ZFP64: variants seen among roughly 807,000 people sequenced by gnomAD.
The protein encoded by ZFP64 is ZFP64 zinc finger protein.
ZFP64 carries 14 observed loss-of-function variants against 51.6 expected under a neutral mutation model. The observed-to-expected ratio is 0.27, with a 90% CI of 0.18 to 0.42. The LOEUF (loss-of-function observed/expected upper bound fraction) is 0.42. Ranked by LOEUF, ZFP64 falls within the 10% of genes least tolerant of loss-of-function variation. The pLI is 1.00. For missense variants in ZFP64, 754 were observed against 906.8 expected (o/e 0.83, Z 2.16); for synonymous variants, 375 against 361.4 (o/e 1.04, Z -0.43).
chr20:52,084,576 T>C (rs2078843247), exon 9 of ZFP64: 1 of 1,613,380 alleles, frequency 6.2e-7, no homozygotes, highest in Non-Finnish European at 8.5e-7. Flanking sequence ...TTGGCTGGGC[T>C]CTAGGGGAGC....
chr20:52,190,657 G>T (rs921252261), intron 1 of ZFP64, among the ~76,000 whole-genome samples: 2 of 152,082 alleles, frequency 1.3e-5, no homozygotes, highest in Admixed American at 6.5e-5. Flanking sequence ...AACAGGGTGG[G>T]GTGGGGAGGA....
exon 9 of ZFP64, chr20:52,084,627 G>A (rs552103606): frequency 5.0e-6 from 8 of 1,614,178 alleles, no homozygotes; most frequent in Admixed American, 1.7e-5. Flanking sequence ...GAGCTGTCCC[G>A]AGGCACCGCT....
chr20:52,163,327 C>G (rs1981981689), intron 4 of ZFP64, among the ~76,000 whole-genome samples: 1 of 152,162 alleles, frequency 6.6e-6, no homozygotes, highest in Non-Finnish European at 1.5e-5. Flanking sequence ...AACCATTGCA[C>G]TCCAGCCTGG....
chr20:52,184,484 C>CATATA (rs1204917698), intron 2 of ZFP64, among the ~76,000 whole-genome samples: 39 of 152,260 alleles, frequency 2.6e-4, no homozygotes, highest in African/African-American at 8.9e-4. Flanking sequence ...AATATAAGAC[C>CATATA]ATATAATATG....
At chr20:52,098,635 T>G in intron 5 of ZFP64, 1 of 1,611,790 alleles carries the variant, frequency 6.2e-7, no homozygotes, top group Non-Finnish European at 8.5e-7. Flanking sequence ...ATAACCACCA[T>G]GCTAAGTCTT....
intron 5 of ZFP64, among the ~76,000 whole-genome samples, chr20:52,131,740 A>G (rs1378305404): frequency 6.6e-6 from 1 of 152,234 alleles, no homozygotes; most frequent in Non-Finnish European, 1.5e-5. Flanking sequence ...ATTACAGCTA[A>G]AGAGAGAGTT....
chr20:52,120,472 C>T (rs763039044), intron 5 of ZFP64, among the ~76,000 whole-genome samples: 2 of 152,174 alleles, frequency 1.3e-5, no homozygotes, highest in Admixed American at 6.6e-5. Context: ...GCCACTTTAT[C>T]GCACGTCACA....
chr20:52,103,136 G>T (rs2079071394), intron 5 of ZFP64, among the ~76,000 whole-genome samples: 1 of 152,124 alleles, frequency 6.6e-6, no homozygotes, highest in Admixed American at 6.6e-5. Context: ...TGGAAGTGGG[G>T]GTGGGCCGCA....
downstream of ZFP64, among the ~76,000 whole-genome samples, chr20:52,150,620 A>G (rs573516852): frequency 2.6e-4 from 39 of 152,352 alleles, no homozygotes; most frequent in African/African-American, 9.1e-4. Context: ...CAAATATAGC[A>G]AGTCATCAAA....
At chr20:52,166,101 A>G in intron 2 of ZFP64, 76 bp from the exon 3 acceptor site, 2 of 1,441,582 alleles carry the variant, frequency 1.4e-6, no homozygotes, top group Non-Finnish European at 1.9e-6. Flanking sequence ...TTTCCTTTGT[A>G]GAGAGAATGC....
At chr20:52,175,882 A>AAAAATTTT in intron 2 of ZFP64, 1 of 980,118 alleles carries the variant, frequency 1.0e-6, no homozygotes, top group Non-Finnish European at 1.2e-6. Context: ...CCCCAAAATA[A>AAAAATTTT]TTCATTTTCT....
At chr20:52,176,697 G>C (rs919190601) in intron 2 of ZFP64, among the ~76,000 whole-genome samples, 12 of 151,554 alleles carry the variant, frequency 7.9e-5, no homozygotes, top group Non-Finnish European at 1.6e-4. Flanking sequence ...TTTTAGTAGA[G>C]ACGGGGTTTC....
At chr20:52,132,817 C>CA (rs1568669483) in intron 5 of ZFP64, among the ~76,000 whole-genome samples, 1 of 151,756 alleles carries the variant, frequency 6.6e-6, no homozygotes, top group Non-Finnish European at 1.5e-5. Context: ...TAAACTTTTC[C>CA]AAAAAAGAGA....
intron 6 of ZFP64, among the ~76,000 whole-genome samples, chr20:52,097,690 A>C (rs1158211209): frequency 6.6e-6 from 1 of 151,860 alleles, no homozygotes; most frequent in Non-Finnish European, 1.5e-5. Flanking sequence ...AAACTCCTGA[A>C]CTCAGGTGAT....
chr20:52,173,013 A>AG (rs1982881509), intron 2 of ZFP64, among the ~76,000 whole-genome samples: 1 of 152,010 alleles, frequency 6.6e-6, no homozygotes, highest in Non-Finnish European at 1.5e-5. Flanking sequence ...TATGAATTTC[A>AG]TGAAATAGAT....
intron 7 of ZFP64, among the ~76,000 whole-genome samples, chr20:52,094,801 C>T (rs2078969507): frequency 6.6e-6 from 1 of 152,126 alleles, no homozygotes. Flanking sequence ...AATACAACCA[C>T]TATTCCCAGT....
chr20:52,097,544 T>C, intron 6 of ZFP64: 1 of 1,003,042 alleles, frequency 1.0e-6, no homozygotes, highest in East Asian at 2.5e-5. Flanking sequence ...AACCTCCGCC[T>C]CCCGGGTTCA....
intron 5 of ZFP64, among the ~76,000 whole-genome samples, chr20:52,101,080 T>C (rs972101397): frequency 6.6e-6 from 1 of 152,174 alleles, no homozygotes; most frequent in Non-Finnish European, 1.5e-5. Context: ...TGTTTGAGAA[T>C]GGCATCTAGT....
At chr20:52,147,262 C>T (rs1208002763), downstream of ZFP64, among the ~76,000 whole-genome samples, 2 of 151,850 alleles carry the variant, frequency 1.3e-5, no homozygotes, top group Admixed American at 6.6e-5. Flanking sequence ...AGTGCAGTGG[C>T]GCAATTTTGG....
Sources: gnomAD v4.1 joint callset for allele counts (sites outside exome capture counted in the v4.1 genomes callset) on GRCh38, gnomAD v4.1.1 for gene constraint, MANE v1.5 for transcripts, NCBI Gene and HGNC (gene_info 2026-07-23, HGNC 2026-07-21) for gene names.